Variants in MGME1 observed in about 807,000 individuals in gnomAD.
MGME1 encodes mitochondrial genome maintenance exonuclease 1, also known as chromosome 20 open reading frame 72.
A neutral mutation model predicts 33.0 loss-of-function variants in MGME1; 22 were observed. The observed-to-expected ratio is 0.67, with a 90% CI of 0.48 to 0.95. The LOEUF (loss-of-function observed/expected upper bound fraction) is 0.95, where lower values mean the gene tolerates loss of function less well. MGME1 is among the 40% of genes least tolerant of loss of function. The pLI, the probability that MGME1 is intolerant of heterozygous loss-of-function variation, is 0.00. For missense variants in MGME1, 383 were observed against 397.8 expected, an observed-to-expected ratio of 0.96 and a Z score of 0.32; for synonymous variants, 133 against 144.0, an observed-to-expected ratio of 0.92 and a Z score of 0.55.
At chr20:17,979,498 G>A (rs899950796) in intron 3 of MGME1, among the ~76,000 whole-genome samples, 5 of 150,188 alleles carry the variant, frequency 3.3e-5, no homozygotes, top group African/African-American at 7.4e-5. Context: ...TGCACGCTCC[G>A]CCTCGGGTTC....
chr20:17,986,777 A>G (rs1310022320), intron 3 of MGME1, among the ~76,000 whole-genome samples: 1 of 152,060 alleles, frequency 6.6e-6, no homozygotes, highest in Non-Finnish European at 1.5e-5. Context: ...ATTTATTTGT[A>G]TCATTTTCAG....
chr20:17,983,206 A>G (rs764943146), intron 3 of MGME1, among the ~76,000 whole-genome samples: 1 of 151,612 alleles, frequency 6.6e-6, no homozygotes, highest in Non-Finnish European at 1.5e-5. Flanking sequence ...AATGTTCACC[A>G]TGTTCACCCA....
chr20:17,988,410 G>A, intron 4 of MGME1, 112 bp downstream of exon 4: 9 of 1,143,720 alleles, frequency 7.9e-6, no homozygotes. Context: ...GGGAGGCCAA[G>A]GCCGGTGGAT....
intron 2 of MGME1, among the ~76,000 whole-genome samples, chr20:17,972,111 T>C (rs2035744252): frequency 6.6e-6 from 1 of 152,128 alleles, no homozygotes; most frequent in South Asian, 2.1e-4. Flanking sequence ...ATTAGTGTCA[T>C]GGTGAATAAA....
At chr20:17,983,693 A>G (rs60680710) in intron 3 of MGME1, among the ~76,000 whole-genome samples, 16,200 of 152,242 alleles carry the variant, frequency 0.11, 981 homozygotes, top group Middle Eastern at 0.14. Context: ...TTCACTAATG[A>G]TTAGAGATAT....
chr20:17,974,069 T>G (rs1222769375), intron 2 of MGME1, among the ~76,000 whole-genome samples: 62 of 142,128 alleles, frequency 4.4e-4, no homozygotes, highest in African/African-American at 1.6e-3. Flanking sequence ...GTGTTTTTTT[T>G]TTTTTTTTTT....
In MGME1 at chr20:17,983,267, T is replaced by TTGTGTGTGTGTGTGTGTGTGTG. The variant is rs1555791107; in HGVS notation, c.732-4885_732-4864dup. ...TTTTTAAAGGCTATGTAGTGTTCTATTGTGTGTGTGTGTGTGTGTGTGTGT... is the reference window on the plus strand; with the variant it reads ...TTTTTAAAGGCTATGTAGTGTTCTATTGTGTGTGTGTGTGTGTGTGTGTGTGTGTGTGTGTGTGTGTGTGTGT... On this transcript the variant is annotated intron_variant, in intron 3 of 4. Transcript: ENST00000377710. Among the ~76,000 whole-genome samples, 85 of 142,686 alleles carry TTGTGTGTGTGTGTGTGTGTGTG rather than the reference T, an allele frequency of 6.0e-4. No homozygotes were observed. The South Asian group carries it at 7.7e-3, about 13-fold the overall frequency. 93.6% of individuals were successfully genotyped at this position (142,686 alleles called of 152,430 possible). A position where few individuals can be genotyped will look rare whatever the true frequency, so the allele number is the denominator to read the frequency against.
Position 17,990,402 on chromosome 20 carries a change from A to T in MGME1, c.*293A>T. 1.5e-5 allele frequency: 1 copy of T among 66,142 alleles called. No homozygotes were observed. Among genetic ancestry groups the T allele is most frequent in the Non-Finnish European group, 2.8e-5 (1 of 35,688 alleles). The allele number at this position is 66,142 out of a possible 1,614,324, so 4.1% of individuals were successfully genotyped here. On this transcript the variant is annotated 3_prime_UTR_variant, in exon 5 of 5. Transcript: ENST00000377710. ...TGCTGGTGACTCTTGTACTCCCTTG[A>T]GGGACATTGGGGGGGGGGGGGCGTG... is the stretch of plus-strand genomic sequence containing the variant.
intron 2 of MGME1, among the ~76,000 whole-genome samples, chr20:17,975,099 G>A (rs1414600597): frequency 6.6e-6 from 1 of 152,040 alleles, no homozygotes; most frequent in Admixed American, 6.6e-5. Context: ...TCTTGTAGCC[G>A]CCAGATCTTC....
At chr20:17,983,267 T>TTGTG (rs1555791107) in intron 3 of MGME1, among the ~76,000 whole-genome samples, 4,425 of 142,618 alleles carry the variant, frequency 0.031, 83 homozygotes, top group African/African-American at 0.054. Flanking sequence ...TAGTGTTCTA[T>TTGTG]TGTGTGTGTG....
At chr20:17,976,070 C>T (rs548221558) in intron 3 of MGME1, among the ~76,000 whole-genome samples, 167 bp downstream of exon 3, 33 of 152,256 alleles carry the variant, frequency 2.2e-4, no homozygotes, top group African/African-American at 7.5e-4. Flanking sequence ...AGAAGAGCCA[C>T]GTAACCTTTG....
intron 2 of MGME1, 81 bp downstream of exon 2, chr20:17,970,451 GTTTTGTT>G: frequency 6.8e-7 from 1 of 1,470,856 alleles, no homozygotes; most frequent in Non-Finnish European, 9.0e-7. Flanking sequence ...ATGAGGTTTG[GTTTTGTT>G]TTTTTAACTT....
rs960282672 is a variant in MGME1, at chr20:17,991,068, A to T, written c.*959A>T. ...CTTAAAATAGTAGCCTGCTACAATG[A>T]CTTCTTTGGGTAGCCATTTTCATAA... is the stretch of plus-strand genomic sequence containing the variant. On this transcript the variant is annotated 3_prime_UTR_variant, in exon 5 of 5. Coordinates refer to ENST00000377710, the MANE Select transcript of MGME1 (RefSeq NM_052865.4). 3 of 152,180 alleles carry T rather than the reference A, an allele frequency of 2.0e-5. No individual in the cohort carries two copies. The highest frequency in any genetic ancestry group is 4.4e-5 in the Non-Finnish European group (3 of 68,026). The allele number at this position is 152,180 out of a possible 1,614,324, so 9.4% of individuals were successfully genotyped here.
rs1410516530 is a variant in MGME1, at chr20:17,986,747, T to A, written c.732-1419T>A. 2.6e-5 allele frequency among the ~76,000 whole-genome samples: 4 copies of A among 152,328 alleles called. No homozygotes were observed. In the South Asian group the frequency reaches 8.3e-4, roughly 32 times the overall value. On this transcript the variant is annotated intron_variant, in intron 3 of 4. Transcript: ENST00000377710. Reference sequence around the variant, plus strand: ...ATTTTAACAATATTCTTCCAGTCCATAAACAGAGGATATCTTACCATTTAT... The same window carrying A: ...ATTTTAACAATATTCTTCCAGTCCAAAAACAGAGGATATCTTACCATTTAT...
chr20:17,975,951 G>A (rs1433326885), intron 3 of MGME1, 48 bp downstream of exon 3: 1 of 1,435,896 alleles, frequency 7.0e-7, no homozygotes, highest in Admixed American at 1.7e-5. Context: ...GACAGATGGT[G>A]CCTGTCAAAG....
At chr20:17,975,534 C>A in intron 2 of MGME1, 150 bp from the exon 3 acceptor site, 2 of 612,978 alleles carry the variant, frequency 3.3e-6, no homozygotes, top group South Asian at 2.0e-5. Context: ...CCAGCCTGGG[C>A]GACAGAGGGA....
At chr20:17,968,631 CCA>C (rs2122458101), upstream of MGME1, 4 of 620,210 alleles carry the variant, frequency 6.4e-6, no homozygotes, top group East Asian at 1.5e-4. Context: ...ACGTGCTCCC[CCA>C]GAGCAGCCTC....
At chr20:17,982,961 T>TA (rs1340209913) in intron 3 of MGME1, among the ~76,000 whole-genome samples, 1 of 152,202 alleles carries the variant, frequency 6.6e-6, no homozygotes, top group East Asian at 1.9e-4. Flanking sequence ...AATGCATTAT[T>TA]AAATATGGTC....
chr20:17,974,061 G>GTTTTTTTTTTTTTTTTT (rs34206000), intron 2 of MGME1, among the ~76,000 whole-genome samples: 2 of 85,474 alleles, frequency 2.3e-5, no homozygotes, highest in African/African-American at 4.0e-5. Flanking sequence ...CTCTTTGTGT[G>GTTTTTTTTTTTTTTTTT]TTTTTTTTTT....
Sources: gnomAD v4.1 joint callset for allele counts (sites outside exome capture counted in the v4.1 genomes callset) on GRCh38, gnomAD v4.1.1 for gene constraint, MANE v1.5 for transcripts, NCBI Gene and HGNC (gene_info 2026-07-23, HGNC 2026-07-21) for gene names.